The following PARP8 variants were observed in gnomAD, a reference collection of about 807,000 sequenced individuals.
PARP8 encodes poly(ADP-ribose) polymerase family member 8.
A neutral mutation model predicts 124.1 loss-of-function variants in PARP8; 51 were observed. That is an observed-to-expected ratio of 0.41 (90% CI 0.33 to 0.52). PARP8 has a LOEUF of 0.52. Ranked by LOEUF, PARP8 falls within the 20% of genes least tolerant of loss-of-function variation. The pLI, the probability that PARP8 is intolerant of heterozygous loss-of-function variation, is 0.21. For synonymous variants in PARP8, 391 were observed against 361.5 expected (o/e 1.08, Z -0.93); for missense variants, 860 against 1,018.9 (o/e 0.84, Z 2.12).
intron 9 of PARP8, 29 bp downstream of exon 9, chr5:50,778,679 T>G: frequency 1.4e-6 from 2 of 1,457,868 alleles, no homozygotes; most frequent in Non-Finnish European, 1.9e-6. Flanking sequence ...TTTATTATTT[T>G]GAATATTAAT....
At chr5:50,725,592 C>CT (rs1756345001) in intron 2 of PARP8, among the ~76,000 whole-genome samples, 1 of 152,150 alleles carries the variant, frequency 6.6e-6, no homozygotes, top group Non-Finnish European at 1.5e-5. Flanking sequence ...GTGTTCACTG[C>CT]TAATATGGCT....
chr5:50,820,861 C>G (rs1561430052), intron 15 of PARP8, among the ~76,000 whole-genome samples: 1 of 152,124 alleles, frequency 6.6e-6, no homozygotes, highest in Non-Finnish European at 1.5e-5. Context: ...ATTTGTTTAA[C>G]TGATATTTTA....
rs774410023 is a variant in PARP8, at chr5:50,797,014, C to T, written c.1461C>T (p.Asp487=). Residue 487 remains aspartate (D), a synonymous_variant, in exon 13 of 26, where the codon GAC becomes GAT. Transcript: ENST00000281631. ...GTGCAAAATGCATTCCAGTACGAGA[C>T]CGTGGCTTCCTGGTGCAGGTATGAG... ...PNGAKCIPVR[D]RGFLVQTIEF... The T allele has an allele frequency of 3.7e-6, 6 of 1,612,748 alleles. No individual in the cohort carries two copies. Among genetic ancestry groups the T allele is most frequent in the Middle Eastern group, 1.7e-4 (1 of 6,060 alleles).
chr5:50,783,102 G>A (rs541689973), intron 9 of PARP8, among the ~76,000 whole-genome samples: 1 of 151,896 alleles, frequency 6.6e-6, no homozygotes, highest in African/African-American at 2.4e-5. Context: ...AGAAGATATG[G>A]CAACTGCTAA....
intron 7 of PARP8, among the ~76,000 whole-genome samples, chr5:50,774,519 A>G (rs1489777421): frequency 7.3e-6 from 1 of 137,480 alleles, no homozygotes; most frequent in Non-Finnish European, 1.6e-5. Context: ...CACTTCCCAG[A>G]CGGGGTGGCC....
At chr5:50,830,828 G>GTA in intron 22 of PARP8, among the ~76,000 whole-genome samples, 1 of 151,922 alleles carries the variant, frequency 6.6e-6, no homozygotes, top group East Asian at 1.9e-4. Context: ...GCGTGTGTGT[G>GTA]TGTGTGTGTG....
intron 2 of PARP8, among the ~76,000 whole-genome samples, chr5:50,736,413 A>G (rs6880398): frequency 0.067 from 10,224 of 152,214 alleles, 380 homozygotes; most frequent in Middle Eastern, 0.11. Context: ...GGAACATTTT[A>G]GTTACCTCTA....
At chr5:50,734,484 G>A (rs926555041) in intron 2 of PARP8, among the ~76,000 whole-genome samples, 2 of 152,080 alleles carry the variant, frequency 1.3e-5, no homozygotes, top group African/African-American at 2.4e-5. Flanking sequence ...CAAAGGGCAG[G>A]ATGTAGGTGA....
chr5:50,725,846 A>C (rs1756372643), intron 2 of PARP8, among the ~76,000 whole-genome samples: 1 of 152,180 alleles, frequency 6.6e-6, no homozygotes, highest in South Asian at 2.1e-4. Flanking sequence ...TTGAAATGAC[A>C]CTGCTAATGT....
At chr5:50,785,043 A>C (rs1340956181) in intron 9 of PARP8, among the ~76,000 whole-genome samples, 66 of 151,922 alleles carry the variant, frequency 4.3e-4, no homozygotes, top group Non-Finnish European at 6.3e-4. Flanking sequence ...ATAATTAATT[A>C]CATTTATTTT....
intron 2 of PARP8, among the ~76,000 whole-genome samples, chr5:50,687,746 A>G (rs1026797835): frequency 2.0e-5 from 3 of 152,158 alleles, no homozygotes; most frequent in African/African-American, 7.2e-5. Context: ...ACTCCCCCGT[A>G]TAATAACTAT....
rs1305184480 is a variant in PARP8, at chr5:50,845,829, C to T, written c.*3761C>T. On this transcript the variant is annotated 3_prime_UTR_variant, in exon 26 of 26. Coordinates refer to ENST00000281631, the MANE Select transcript of PARP8 (RefSeq NM_024615.4). ...AAAGGATGAAAACACCCAACTGCTA[C>T]ACTGGAATGGCAGACTGGATATTCA... is the stretch of plus-strand genomic sequence containing the variant. 5.3e-5 allele frequency: 8 copies of T among 151,816 alleles called. No homozygotes were observed. Among genetic ancestry groups the T allele is most frequent in the Admixed American group, 5.3e-4 (8 of 15,192 alleles). The allele number at this position is 151,816 out of a possible 1,614,324, so 9.4% of individuals were successfully genotyped here.
At chr5:50,808,972 A>G (rs1319275531) in intron 14 of PARP8, among the ~76,000 whole-genome samples, 1 of 152,042 alleles carries the variant, frequency 6.6e-6, no homozygotes, top group East Asian at 1.9e-4. Context: ...CTTCTGAAAT[A>G]CTAACTAAAA....
At chr5:50,816,060 C>G (rs1336015041) in intron 15 of PARP8, among the ~76,000 whole-genome samples, 2 of 151,714 alleles carry the variant, frequency 1.3e-5, no homozygotes, top group Non-Finnish European at 2.9e-5. Context: ...AAAGAAAACT[C>G]TAAAAAATTA....
At chr5:50,690,646 C>T (rs1752394250) in intron 2 of PARP8, among the ~76,000 whole-genome samples, 1 of 152,134 alleles carries the variant, frequency 6.6e-6, no homozygotes, top group South Asian at 2.1e-4. Flanking sequence ...TTGGACCTAT[C>T]TAGCAAAACT....
chr5:50,719,704 T>TG (rs1226191999), intron 2 of PARP8, among the ~76,000 whole-genome samples: 6 of 152,060 alleles, frequency 3.9e-5, no homozygotes, highest in Non-Finnish European at 4.4e-5. Flanking sequence ...GCTCCTGTGT[T>TG]GTAGATTTTA....
At position 50,794,100 on chromosome 5, in the gene PARP8, A is replaced by G. The variant is rs558649344; in HGVS notation, c.738-107A>G. ...CTAAATTAGCGTCTCACTGATTTCT[A>G]TGTGTTTGCATTTATTTGATAAATG... On this transcript the variant is annotated intron_variant, in intron 10 of 25. Transcript: ENST00000281631. 102 of 1,214,250 alleles carry G rather than the reference A, an allele frequency of 8.4e-5. No homozygotes were observed. The East Asian group carries it at 2.1e-3, about 25-fold the overall frequency. The allele number at this position is 1,214,250 out of a possible 1,614,324, so 75.2% of individuals were successfully genotyped here.
chr5:50,831,725 A>C (rs749047365), intron 22 of PARP8, among the ~76,000 whole-genome samples: 24 of 152,184 alleles, frequency 1.6e-4, no homozygotes, highest in Non-Finnish European at 3.2e-4. Flanking sequence ...AGACTCCTTC[A>C]ATGGGTACAT....
At chr5:50,791,256 A>G (rs899682796) in intron 10 of PARP8, among the ~76,000 whole-genome samples, 2 of 152,196 alleles carry the variant, frequency 1.3e-5, no homozygotes, top group Non-Finnish European at 2.9e-5. Context: ...GTCATGCACT[A>G]TTCTAAGTGT....
Sources: allele counts gnomAD v4.1 joint callset (sites outside exome capture counted in the v4.1 genomes callset), GRCh38; gene constraint gnomAD v4.1.1; transcripts MANE v1.5; gene names NCBI Gene and HGNC (gene_info 2026-07-23, HGNC 2026-07-21).